VWA8: variants seen among roughly 807,000 people sequenced by gnomAD.
VWA8 encodes von Willebrand factor A domain containing 8.
VWA8 carries 221 observed loss-of-function variants against 241.5 expected under a neutral mutation model. The observed-to-expected ratio is 0.91, with a 90% CI of 0.82 to 1.02. The LOEUF is 1.02. Ranked by LOEUF, VWA8 falls within the 50% of genes least tolerant of loss-of-function variation. The pLI is 0.00. For missense variants in VWA8, 2,322 were observed against 2,328.7 expected, an observed-to-expected ratio of 1.00 and a Z score of 0.06; for synonymous variants, 852 against 827.1, an observed-to-expected ratio of 1.03 and a Z score of -0.52.
chr13:41,848,718 G>A (rs981701155), intron 12 of VWA8, among the ~76,000 whole-genome samples: 2 of 152,162 alleles, frequency 1.3e-5, no homozygotes, highest in African/African-American at 4.8e-5. Context: ...AAATTAACTA[G>A]TCTTGGGTAT....
chr13:41,926,756 A>C lies in VWA8; in HGVS notation c.242-14588T>G, dbSNP rs987446444. 25 of 541,308 alleles carry C rather than the reference A, an allele frequency of 4.6e-5. No individual in the cohort carries two copies. The East Asian group carries it at 1.2e-3, about 27-fold the overall frequency. 33.5% of individuals were successfully genotyped at this position (541,308 alleles called of 1,614,324 possible). On this transcript the variant is annotated intron_variant, in intron 2 of 44. Coordinates refer to ENST00000379310, the MANE Select transcript of VWA8 (RefSeq NM_015058.2). ...TACTGACTTCACCCCACCCTTCCAGAGAATCAGCATGGTAGAAGAACTTGA... is the reference window on the plus strand; with the variant it reads ...TACTGACTTCACCCCACCCTTCCAGCGAATCAGCATGGTAGAAGAACTTGA...
At chr13:41,821,643 TA>T (rs1870964709) in intron 14 of VWA8, among the ~76,000 whole-genome samples, 1 of 151,942 alleles carries the variant, frequency 6.6e-6, no homozygotes, top group African/African-American at 2.4e-5. Flanking sequence ...AAGAAAAAAA[TA>T]AATGAAACTA....
At chr13:41,651,210 T>C (rs986246460) in intron 37 of VWA8, among the ~76,000 whole-genome samples, 2 of 152,172 alleles carry the variant, frequency 1.3e-5, no homozygotes, top group Non-Finnish European at 2.9e-5. Flanking sequence ...GCTTTGACTA[T>C]TGAGGCTCTC....
At chr13:41,743,722 AT>A (rs1407395644) in intron 21 of VWA8, among the ~76,000 whole-genome samples, 3 of 152,136 alleles carry the variant, frequency 2.0e-5, no homozygotes, top group Non-Finnish European at 4.4e-5. Flanking sequence ...TAGCATCAAT[AT>A]TTTCCTGTTT....
chr13:41,900,654 A>C lies in VWA8; in HGVS notation c.483+6932T>G, dbSNP rs116321838. On this transcript the variant is annotated intron_variant, in intron 4 of 44. Coordinates refer to ENST00000379310, the MANE Select transcript of VWA8 (RefSeq NM_015058.2). ...AATTAGAATATCCTCAAGGGGTATT[A>C]TACAGTGTAACAGTTTAAGAGTCAA... 1.7e-3 allele frequency among the ~76,000 whole-genome samples: 257 copies of C among 152,304 alleles called. 2 individuals are homozygous for C. The highest frequency in any genetic ancestry group is 5.7e-3 in the African/African-American group (236 of 41,558).
Position 41,611,705 on chromosome 13 carries a change from C to T in VWA8, c.4748G>A (p.Gly1583Asp), listed in dbSNP as rs566787660. Residue 1583 changes from glycine to aspartate, a missense_variant, in exon 39 of 45, where the codon GGC (glycine) becomes GAC (aspartate). Gly to Asp is a moderately conservative substitution (Grantham distance 94, BLOSUM62 -1). Transcript: ENST00000379310. ...TGGRDTAGLGGKGGPYRLDAG... is the reference protein window; with the variant it reads ...TGGRDTAGLGDKGGPYRLDAG... ...ATCCAGCCGGTAAGGGCCTCCTTTG[C>T]CACCCAGGCCTGCCGTGTCTCTTCC... is the stretch of plus-strand genomic sequence containing the variant. 4 of 1,613,880 alleles carry T rather than the reference C, an allele frequency of 2.5e-6. No individual in the cohort carries two copies. Among genetic ancestry groups the T allele is most frequent in the Non-Finnish European group, 3.4e-6 (4 of 1,179,940 alleles).
At chr13:41,853,868 T>C (rs1872623955) in intron 12 of VWA8, among the ~76,000 whole-genome samples, 1 of 152,218 alleles carries the variant, frequency 6.6e-6, no homozygotes, top group African/African-American at 2.4e-5. Context: ...TAGACATCTA[T>C]TGTCCATGAA....
At chr13:41,637,657 A>G (rs1002977512) in intron 37 of VWA8, among the ~76,000 whole-genome samples, 1 of 152,234 alleles carries the variant, frequency 6.6e-6, no homozygotes, top group South Asian at 2.1e-4. Context: ...CCGATTCACC[A>G]GTAATTGGTA....
At chr13:41,801,145 T>C (rs1001821882) in intron 17 of VWA8, among the ~76,000 whole-genome samples, 11 of 139,514 alleles carry the variant, frequency 7.9e-5, no homozygotes, top group African/African-American at 3.0e-4. Context: ...TTTTTCAATT[T>C]ATTTTTATTT....
intron 2 of VWA8, among the ~76,000 whole-genome samples, chr13:41,948,285 T>C (rs892610365): frequency 2.0e-5 from 3 of 152,156 alleles, no homozygotes; most frequent in African/African-American, 7.2e-5. Context: ...CCCATGTATA[T>C]AAAATGTCCA....
chr13:41,626,391 C>T (rs2044691248), intron 37 of VWA8, among the ~76,000 whole-genome samples: 1 of 152,064 alleles, frequency 6.6e-6, no homozygotes, highest in Admixed American at 6.6e-5. Context: ...CTACCAATAT[C>T]ATTTTTTCAC....
intron 42 of VWA8, among the ~76,000 whole-genome samples, chr13:41,587,075 CATT>C (rs761329436): frequency 1.3e-5 from 2 of 152,186 alleles, no homozygotes; most frequent in Admixed American, 1.3e-4. Context: ...TAATCATCAT[CATT>C]GTTAGCTGGG....
At chr13:41,721,919 T>C (rs2137850141) in intron 24 of VWA8, among the ~76,000 whole-genome samples, 1 of 152,252 alleles carries the variant, frequency 6.6e-6, no homozygotes, top group Middle Eastern at 3.4e-3. Flanking sequence ...TCTTAATGTT[T>C]AGCGCATTTA....
At chr13:41,767,236 A>T (rs2045785125) in intron 20 of VWA8, among the ~76,000 whole-genome samples, 1 of 152,232 alleles carries the variant, frequency 6.6e-6, no homozygotes, top group Non-Finnish European at 1.5e-5. Flanking sequence ...AAAAAATAAC[A>T]AAATAAACCA....
At chr13:41,710,690 A>G (rs1434670709) in intron 26 of VWA8, among the ~76,000 whole-genome samples, 1 of 152,236 alleles carries the variant, frequency 6.6e-6, no homozygotes, top group African/African-American at 2.4e-5. Context: ...AACTATGACT[A>G]CAAAAAGAAA....
chr13:41,833,531 C>G lies in VWA8; in HGVS notation c.1426G>C (p.Asp476His). 1 of 1,598,690 alleles carries G rather than the reference C, an allele frequency of 6.3e-7. No individual in the cohort carries two copies. Among genetic ancestry groups the G allele is most frequent in the Non-Finnish European group, 8.5e-7 (1 of 1,173,944 alleles). The change falls in exon 13 of 45, where the codon GAT becomes CAT. Residue 476 changes from aspartate to histidine, a missense_variant and splice_region_variant. Transcript: ENST00000379310. ...TGTAGCAGATCACGCGCTGTCATAT[C>G]CTAAAACAAATCCCCACCACCCAAC... ...YNIEPIMLYQ[D>H]MTARDLLQQR...
At chr13:41,594,980 T>C (rs2044478995) in intron 40 of VWA8, among the ~76,000 whole-genome samples, 1 of 152,130 alleles carries the variant, frequency 6.6e-6, no homozygotes, top group Non-Finnish European at 1.5e-5. Context: ...GGCCATGCAA[T>C]TAAAGAGGGA....
At chr13:41,656,601 T>C (rs544866687) in intron 37 of VWA8, among the ~76,000 whole-genome samples, 6 of 152,262 alleles carry the variant, frequency 3.9e-5, no homozygotes, top group East Asian at 1.9e-4. Context: ...AAACCAAGTA[T>C]ATATTTCTGA....
intron 41 of VWA8, among the ~76,000 whole-genome samples, chr13:41,589,117 G>A (rs2044438352): frequency 6.6e-6 from 1 of 152,056 alleles, no homozygotes; most frequent in Non-Finnish European, 1.5e-5. Context: ...TGCACCCCCA[G>A]CTCTCAGTGG....
Sources: allele counts gnomAD v4.1 joint callset (sites outside exome capture counted in the v4.1 genomes callset), GRCh38; gene constraint gnomAD v4.1.1; transcripts MANE v1.5; gene names NCBI Gene and HGNC (gene_info 2026-07-23, HGNC 2026-07-21).